Variants in ZBTB7C observed in about 807,000 individuals in gnomAD.
ZBTB7C encodes zinc finger and BTB domain containing 7C.
Under a neutral mutation model 25.7 loss-of-function variants are expected in ZBTB7C, and 8 were observed. The observed-to-expected ratio is 0.31, with a 90% CI of 0.18 to 0.56. ZBTB7C has a LOEUF of 0.56. Among genes scored for constraint, ZBTB7C ranks in the 20% least tolerant of loss-of-function variants. The pLI is 0.91. For missense variants in ZBTB7C, 824 were observed against 855.2 expected (o/e 0.96, Z 0.46); for synonymous variants, 394 against 369.0 (o/e 1.07, Z -0.78).
At chr18:48,079,587 A>G (rs2037903737) in intron 3 of ZBTB7C, among the ~76,000 whole-genome samples, 1 of 152,172 alleles carries the variant, frequency 6.6e-6, no homozygotes, top group Admixed American at 6.5e-5. Context: ...CCTCCTCGCC[A>G]AAGCAGAGAG....
intron 1 of ZBTB7C, among the ~76,000 whole-genome samples, chr18:48,367,427 T>A (rs2047272199): frequency 6.9e-6 from 1 of 145,480 alleles, no homozygotes; most frequent in Non-Finnish European, 1.5e-5. Flanking sequence ...TGGCTAGGGA[T>A]CATGTGACCT....
chr18:48,211,261 C>A (rs1353708795), intron 2 of ZBTB7C, among the ~76,000 whole-genome samples: 1 of 152,030 alleles, frequency 6.6e-6, no homozygotes, highest in African/African-American at 2.4e-5. Flanking sequence ...AGGAGAAAAC[C>A]TAGATGACCT....
chr18:48,357,218 C>T (rs529851729), intron 1 of ZBTB7C, among the ~76,000 whole-genome samples: 1 of 152,344 alleles, frequency 6.6e-6, no homozygotes, highest in South Asian at 2.1e-4. Context: ...CGGCCACCTG[C>T]AGAATAGGTC....
At chr18:48,141,147 C>G (rs1449196723) in intron 3 of ZBTB7C, among the ~76,000 whole-genome samples, 14 of 19,582 alleles carry the variant, frequency 7.1e-4, no homozygotes, top group Non-Finnish European at 1.3e-3. Context: ...CCCCGCACCA[C>G]CCCCCCCACT....
intron 3 of ZBTB7C, among the ~76,000 whole-genome samples, chr18:48,073,661 C>A (rs1460762697): frequency 6.6e-6 from 1 of 152,150 alleles, no homozygotes; most frequent in African/African-American, 2.4e-5. Context: ...CCTCCCTCTC[C>A]CCCCACCCAA....
chr18:48,040,244 C>T lies in ZBTB7C; in HGVS notation c.864G>A (p.Lys288=), dbSNP rs760933123. 1.6e-5 allele frequency: 25 copies of T among 1,563,014 alleles called. No homozygotes were observed. In the Admixed American group the frequency reaches 4.0e-4, roughly 25 times the overall value. Residue 288 remains lysine, a synonymous_variant, in exon 4 of 5, where the codon AAG becomes AAA. Coordinates refer to ENST00000590800, the MANE Select transcript of ZBTB7C (RefSeq NM_001318841.2). Reference sequence around the variant, plus strand: ...GCTCCTCCTTCTCCTCCTCCTTGATCTTCCGATTCTTGATGACCAGATCCA... The same window carrying T: ...GCTCCTCCTTCTCCTCCTCCTTGATTTTCCGATTCTTGATGACCAGATCCA... ...GPLDLVIKNR[K]IKEEEKEELP...
intron 3 of ZBTB7C, among the ~76,000 whole-genome samples, chr18:48,108,136 C>T (rs981801788): frequency 1.3e-5 from 2 of 152,126 alleles, no homozygotes; most frequent in Non-Finnish European, 2.9e-5. Flanking sequence ...CCCCAAGGCT[C>T]GTCTATTCTA....
chr18:48,270,512 G>T (rs2044449756), intron 2 of ZBTB7C, among the ~76,000 whole-genome samples: 1 of 150,168 alleles, frequency 6.7e-6, no homozygotes, highest in South Asian at 2.1e-4. Context: ...TGGCTAACAC[G>T]GTGAAACCCC....
At chr18:48,166,132 C>T (rs12103979) in intron 3 of ZBTB7C, among the ~76,000 whole-genome samples, 5,972 of 152,030 alleles carry the variant, frequency 0.039, 132 homozygotes, top group Middle Eastern at 0.075. Flanking sequence ...GGCGAAATTC[C>T]GTGGCATTGA....
Position 48,171,250 on chromosome 18 carries a change from G to C in ZBTB7C, c.-17+14684C>G, listed in dbSNP as rs115567816. ...GCCCAGCTTGTGGCTTCTTCCCCGA[G>C]CTGGCTGATACCTATTTTCCCTAAA... On this transcript the variant is annotated intron_variant, in intron 3 of 4. Transcript: ENST00000590800. Among the ~76,000 whole-genome samples the C allele has an allele frequency of 3.7e-3, 558 of 152,308 alleles. 5 individuals carry two copies. Among genetic ancestry groups the C allele is most frequent in the African/African-American group, 0.013 (535 of 41,568 alleles).
intron 2 of ZBTB7C, among the ~76,000 whole-genome samples, chr18:48,324,286 G>A (rs901954514): frequency 6.6e-6 from 1 of 152,092 alleles, no homozygotes; most frequent in Non-Finnish European, 1.5e-5. Context: ...GAGTCAACCC[G>A]GAGAAGGCAA....
intron 2 of ZBTB7C, among the ~76,000 whole-genome samples, chr18:48,275,529 C>T (rs1224591138): frequency 1.3e-5 from 2 of 152,082 alleles, no homozygotes. Context: ...GAGAGATGCC[C>T]CAGAGAGCGA....
intron 1 of ZBTB7C, among the ~76,000 whole-genome samples, chr18:48,357,290 G>C (rs968113568): frequency 3.9e-5 from 6 of 152,208 alleles, no homozygotes; most frequent in African/African-American, 1.4e-4. Context: ...AGGCTGGGAA[G>C]GGGGAGGGAG....
At chr18:48,060,463 A>G (rs1458404173) in intron 3 of ZBTB7C, among the ~76,000 whole-genome samples, 1 of 151,980 alleles carries the variant, frequency 6.6e-6, no homozygotes, top group African/African-American at 2.4e-5. Flanking sequence ...GTGGGAGCCC[A>G]TGGCACACCC....
At chr18:48,350,445 T>A (rs536336225) in intron 1 of ZBTB7C, 1 of 152,340 alleles carries the variant, frequency 6.6e-6, no homozygotes, top group African/African-American at 2.4e-5. Context: ...GCGACTAGAT[T>A]GAGCACATCT....
At chr18:48,238,709 A>G (rs374568176) in intron 2 of ZBTB7C, among the ~76,000 whole-genome samples, 34 of 152,364 alleles carry the variant, frequency 2.2e-4, no homozygotes, top group African/African-American at 6.7e-4. Context: ...GGGAAGGATC[A>G]CAGAGAGAAG....
At chr18:48,221,224 T>C (rs575350805) in intron 2 of ZBTB7C, among the ~76,000 whole-genome samples, 1 of 149,944 alleles carries the variant, frequency 6.7e-6, no homozygotes, top group Admixed American at 6.6e-5. Context: ...TATCCTTGTC[T>C]CCTCTATACT....
At chr18:48,071,916 T>C (rs2037557373) in intron 3 of ZBTB7C, among the ~76,000 whole-genome samples, 1 of 152,208 alleles carries the variant, frequency 6.6e-6, no homozygotes, top group Non-Finnish European at 1.5e-5. Flanking sequence ...TTCTGCTTCT[T>C]GGAAGTACCT....
chr18:48,302,975 CAG>C (rs1181559688), intron 2 of ZBTB7C, among the ~76,000 whole-genome samples: 1 of 149,348 alleles, frequency 6.7e-6, no homozygotes, highest in East Asian at 2.0e-4. Flanking sequence ...TGATGCAAGA[CAG>C]GGGAGGATGG....
Sources: allele counts gnomAD v4.1 joint callset (sites outside exome capture counted in the v4.1 genomes callset), GRCh38; gene constraint gnomAD v4.1.1; transcripts MANE v1.5; gene names NCBI Gene and HGNC (gene_info 2026-07-23, HGNC 2026-07-21).